MAP3K7CL: variants seen among roughly 807,000 people sequenced by gnomAD.
MAP3K7CL encodes MAP3K7 C-terminal like.
MAP3K7CL carries 16 observed loss-of-function variants against 18.6 expected under a neutral mutation model. That is an observed-to-expected ratio of 0.86 (90% CI 0.58 to 1.31). The LOEUF is 1.31. MAP3K7CL is among the 50% of genes most tolerant of loss of function. MAP3K7CL has a pLI of 0.00. For synonymous variants in MAP3K7CL, 65 were observed against 66.8 expected, an observed-to-expected ratio of 0.97 and a Z score of 0.13; for missense variants, 163 against 174.4, an observed-to-expected ratio of 0.93 and a Z score of 0.37.
intron 2 of MAP3K7CL, chr21:29,091,622 T>C: frequency 1.4e-6 from 1 of 701,332 alleles, no homozygotes; most frequent in African/African-American, 1.7e-5. Context: ...ACCACAGGCG[T>C]GCACCACCAC....
chr21:29,117,741 CT>C (rs1324823747), intron 4 of MAP3K7CL, among the ~76,000 whole-genome samples: 1 of 152,178 alleles, frequency 6.6e-6, no homozygotes, highest in Admixed American at 6.5e-5. Context: ...TGATCTCTTT[CT>C]TGTCACTTTT....
intron 2 of MAP3K7CL, among the ~76,000 whole-genome samples, chr21:29,143,030 G>A (rs913777166): frequency 1.3e-5 from 2 of 152,182 alleles, no homozygotes; most frequent in African/African-American, 4.8e-5. Context: ...CACTTGCCTT[G>A]TAAGTGTCAG....
intron 2 of MAP3K7CL, among the ~76,000 whole-genome samples, chr21:29,134,008 G>C (rs565479218): frequency 6.6e-6 from 1 of 152,158 alleles, no homozygotes; most frequent in Non-Finnish European, 1.5e-5. Flanking sequence ...ACATTGAATT[G>C]CACCACTTTT....
At chr21:29,099,718 G>A (rs542616373) in intron 4 of MAP3K7CL, among the ~76,000 whole-genome samples, 3 of 152,176 alleles carry the variant, frequency 2.0e-5, no homozygotes, top group Admixed American at 6.5e-5. Context: ...GGTCAGAGCA[G>A]GTTAGAAACC....
At chr21:29,137,563 A>G (rs1219339506) in intron 2 of MAP3K7CL, among the ~76,000 whole-genome samples, 1 of 152,162 alleles carries the variant, frequency 6.6e-6, no homozygotes. Context: ...ATATCTTGTA[A>G]CCAGTTTTCT....
intron 4 of MAP3K7CL, chr21:29,109,043 G>T: frequency 1.3e-6 from 2 of 1,531,344 alleles, no homozygotes; most frequent in South Asian, 2.4e-5. Flanking sequence ...CTACTAGGTT[G>T]ACATTCGTAA....
At chr21:29,152,296 C>T (rs773607956) in intron 3 of MAP3K7CL, among the ~76,000 whole-genome samples, 21 of 152,146 alleles carry the variant, frequency 1.4e-4, no homozygotes, top group Non-Finnish European at 2.6e-4. Context: ...CTATACTTAG[C>T]GTAAGCATAT....
chr21:29,079,607 G>T (rs761854297), intron 1 of MAP3K7CL, among the ~76,000 whole-genome samples: 18 of 152,242 alleles, frequency 1.2e-4, no homozygotes, highest in Admixed American at 5.9e-4. Context: ...TTCCATGGCT[G>T]CTTTGGCCTA....
At chr21:29,163,631 G>C (rs1049258390) in intron 4 of MAP3K7CL, among the ~76,000 whole-genome samples, 1 of 151,654 alleles carries the variant, frequency 6.6e-6, no homozygotes, top group Admixed American at 6.6e-5. Flanking sequence ...GCAGGAGGTG[G>C]GTCCTCCAGT....
At chr21:29,083,908 T>C (rs901321922), upstream of MAP3K7CL, among the ~76,000 whole-genome samples, 1 of 148,948 alleles carries the variant, frequency 6.7e-6, no homozygotes, top group Admixed American at 6.7e-5. Flanking sequence ...TTATGTAATA[T>C]ATATATCTCT....
chr21:29,112,829 T>C (rs974108793), intron 4 of MAP3K7CL, among the ~76,000 whole-genome samples: 4 of 152,094 alleles, frequency 2.6e-5, no homozygotes, highest in Admixed American at 1.3e-4. Context: ...TTTTTTTTTT[T>C]TCTTTTTTTT....
chr21:29,163,151 C>T (rs2087595857), intron 4 of MAP3K7CL, among the ~76,000 whole-genome samples: 1 of 152,058 alleles, frequency 6.6e-6, no homozygotes, highest in Admixed American at 6.6e-5. Context: ...AAGTCAACTT[C>T]TAGAAGTAAC....
chr21:29,111,218 T>C (rs527327641), intron 4 of MAP3K7CL, among the ~76,000 whole-genome samples: 3 of 152,238 alleles, frequency 2.0e-5, no homozygotes, highest in Admixed American at 1.3e-4. Context: ...ATCACACCAC[T>C]GCACTCCAGC....
intron 4 of MAP3K7CL, among the ~76,000 whole-genome samples, chr21:29,098,639 G>A (rs576712561): frequency 1.4e-4 from 22 of 152,134 alleles, no homozygotes; most frequent in South Asian, 2.1e-4. Flanking sequence ...TTTTGCAAAG[G>A]CGGAAATTAG....
chr21:29,107,707 A>C (rs186028178), intron 4 of MAP3K7CL, among the ~76,000 whole-genome samples: 11 of 152,332 alleles, frequency 7.2e-5, no homozygotes. Context: ...CACTAAAACA[A>C]AGTGTTGACT....
At chr21:29,123,301 T>C (rs574162499) in intron 4 of MAP3K7CL, among the ~76,000 whole-genome samples, 81 of 152,314 alleles carry the variant, frequency 5.3e-4, no homozygotes, top group Middle Eastern at 3.4e-3. Flanking sequence ...TGACCTCAGG[T>C]GATCCACCTG....
intron 4 of MAP3K7CL, among the ~76,000 whole-genome samples, chr21:29,163,561 G>A (rs1568971206): frequency 6.6e-6 from 1 of 152,122 alleles, no homozygotes; most frequent in Non-Finnish European, 1.5e-5. Flanking sequence ...TGGAACCTCT[G>A]TAGAACTTCC....
chr21:29,111,936 C>T (rs994673528), intron 4 of MAP3K7CL, among the ~76,000 whole-genome samples: 1 of 152,180 alleles, frequency 6.6e-6, no homozygotes, highest in Non-Finnish European at 1.5e-5. Flanking sequence ...GCTTTCCAAA[C>T]CCAGACTTTG....
intron 4 of MAP3K7CL, chr21:29,109,129 A>C (rs1365506785): frequency 6.5e-7 from 1 of 1,535,402 alleles, no homozygotes; most frequent in South Asian, 1.2e-5. Flanking sequence ...GGCCTGACTG[A>C]AGATGCTTGT....
Sources: allele counts gnomAD v4.1 joint callset (sites outside exome capture counted in the v4.1 genomes callset), GRCh38; gene constraint gnomAD v4.1.1; transcripts MANE v1.5; gene names NCBI Gene and HGNC (gene_info 2026-07-23, HGNC 2026-07-21).